NUTM1: variants seen among roughly 807,000 people sequenced by gnomAD.
The protein encoded by NUTM1 is NUT midline carcinoma family member 1.
Under a neutral mutation model 88.7 loss-of-function variants are expected in NUTM1, and 39 were observed. The observed-to-expected ratio is 0.44, with a 90% CI of 0.34 to 0.57. The LOEUF (loss-of-function observed/expected upper bound fraction) is 0.57. NUTM1 is among the 20% of genes least tolerant of loss of function. The pLI is 0.01. For synonymous variants in NUTM1, 494 were observed against 538.0 expected, an observed-to-expected ratio of 0.92 and a Z score of 1.13; for missense variants, 1,350 against 1,414.5, an observed-to-expected ratio of 0.95 and a Z score of 0.73.
rs751879837 is a variant in NUTM1, at chr15:34,353,799, G to T, written c.1002G>T (p.Gln334His). The change falls in exon 5 of 8, where the codon CAG (glutamine) becomes CAT (histidine). Residue 334 changes from glutamine (Q) to histidine (H), a missense_variant. This residue lies in a region of NUTM1 where 89 missense variants were observed against 76.0 expected (regional missense o/e 1.17). Transcript: ENST00000537011. The part of the protein sequence containing the change: ...IQNTQLMNGS[Q>H]GLSPATPLKL... ...ACACACAGCTGATGAATGGGTCTCA[G>T]GGCCTGTCTCCTGCAACCCCTTTGA... The T allele has an allele frequency of 6.2e-7, 1 of 1,614,146 alleles. No homozygotes were observed. Among genetic ancestry groups the T allele is most frequent in the East Asian group, 2.2e-5 (1 of 44,888 alleles).
At position 34,357,393 on chromosome 15, in the gene NUTM1, C is replaced by T; in HGVS notation, c.3385C>T (p.Pro1129Ser). 5 of 1,614,170 alleles carry T rather than the reference C, an allele frequency of 3.1e-6. No homozygotes were observed. The highest frequency in any genetic ancestry group is 4.2e-6 in the Non-Finnish European group (5 of 1,180,030). ...GAQLGVPREK[P>S]LALGVVRPSQ... ...TCAACTTGGGGTCCCCAGGGAGAAA[C>T]CCCTAGCTCTGGGAGTAGTTCGACC... The change falls in exon 8 of 8, where the codon CCC becomes TCC. Residue 1129 changes from proline to serine, a missense_variant. This residue lies in a region of NUTM1 where 730 missense variants were observed against 728.8 expected (regional missense o/e 1.00). Coordinates refer to ENST00000537011, the MANE Select transcript of NUTM1 (RefSeq NM_001284292.2).
At chr15:34,354,027 G>A (rs1890755278) in intron 5 of NUTM1, among the ~76,000 whole-genome samples, 155 bp downstream of exon 5, 1 of 152,186 alleles carries the variant, frequency 6.6e-6, no homozygotes, top group African/African-American at 2.4e-5. Flanking sequence ...CCCCATAGGA[G>A]GCTGGGTTCT....
At chr15:34,351,893 A>T (rs347795) in intron 4 of NUTM1, among the ~76,000 whole-genome samples, 1 of 149,528 alleles carries the variant, frequency 6.7e-6, no homozygotes, top group African/African-American at 2.5e-5. Flanking sequence ...AAAAAAGGCT[A>T]GGCGTGGTGG....
chr15:34,348,080 G>A lies in NUTM1; in HGVS notation c.212G>A (p.Arg71Lys). 1 of 1,614,030 alleles carries A rather than the reference G, an allele frequency of 6.2e-7. No individual in the cohort carries two copies. The highest frequency in any genetic ancestry group is 8.5e-7 in the Non-Finnish European group (1 of 1,179,994). The change falls in exon 3 of 8, where the codon AGG becomes AAG. Residue 71 changes from arginine (R) to lysine (K), a missense_variant. Coordinates refer to ENST00000537011, the MANE Select transcript of NUTM1 (RefSeq NM_001284292.2). ...PTSDPPDHPP[R>K]EPPPQPIMPS... The stretch of plus-strand genomic sequence containing the variant: ...TCTGACCCACCAGACCACCCACCCA[G>A]GGAGCCACCTCCACAGCCCATCATG...
chr15:34,348,329 T>C lies in NUTM1; in HGVS notation c.461T>C (p.Leu154Pro). 6.2e-7 allele frequency: 1 copy of C among 1,614,246 alleles called. No individual in the cohort carries two copies. The highest frequency in any genetic ancestry group is 8.5e-7 in the Non-Finnish European group (1 of 1,180,028). ...GCCCCGGGCACTCCCTGTGGAGGCC[T>C]TGAGGGTCCTGCACCTCCATTTGTG... ...STAPGTPCGG[L>P]EGPAPPFVTA... Residue 154 changes from leucine to proline, a missense_variant, in exon 3 of 8, where the codon CTT becomes CCT. Transcript: ENST00000537011.
Position 34,351,798 on chromosome 15 carries a change from C to A in NUTM1, c.938+966C>A, listed in dbSNP as rs1030378136. ...GGGAGGGGGCTGGTTCTGGAAGAGCCGGGGAAAGCCAGTGTCCTGGATGCC... is the reference window on the plus strand; with the variant it reads ...GGGAGGGGGCTGGTTCTGGAAGAGCAGGGGAAAGCCAGTGTCCTGGATGCC... On this transcript the variant is annotated intron_variant, in intron 4 of 7. Coordinates refer to ENST00000537011, the MANE Select transcript of NUTM1 (RefSeq NM_001284292.2). Among the ~76,000 whole-genome samples the A allele has an allele frequency of 2.0e-5, 3 of 151,054 alleles. No individual in the cohort carries two copies. In the East Asian group the frequency reaches 5.9e-4, roughly 29 times the overall value.
intron 5 of NUTM1, 131 bp downstream of exon 5, chr15:34,354,003 T>C: frequency 9.8e-7 from 1 of 1,024,330 alleles, no homozygotes; most frequent in Non-Finnish European, 1.4e-6. Flanking sequence ...GCATTTGATA[T>C]TCCAAACAGA....
At position 34,356,531 on chromosome 15, in the gene NUTM1, C is replaced by T; in HGVS notation, c.2523C>T (p.Ser841=). ...CSLPGPLRAN[S]PPLRSKENQE... The stretch of plus-strand genomic sequence containing the variant: ...TGCCAGGACCTTTGAGGGCCAACAG[C>T]CCACCCTTGAGGTCCAAAGAAAATC... The change falls in exon 8 of 8, where the codon AGC becomes AGT. Residue 841 remains serine (S), a synonymous_variant. Coordinates refer to ENST00000537011, the MANE Select transcript of NUTM1 (RefSeq NM_001284292.2). 1 of 1,613,938 alleles carries T rather than the reference C, an allele frequency of 6.2e-7. No homozygotes were observed. The highest frequency in any genetic ancestry group is 1.3e-5 in the African/African-American group (1 of 74,976).
chr15:34,345,659 T>C (rs1391241557), intron 1 of NUTM1, among the ~76,000 whole-genome samples: 1 of 152,182 alleles, frequency 6.6e-6, no homozygotes, highest in African/African-American at 2.4e-5. Context: ...CGAAGTGTAG[T>C]GAACCAAACG....
intron 4 of NUTM1, among the ~76,000 whole-genome samples, chr15:34,351,554 C>G (rs1021689548): frequency 2.0e-5 from 3 of 151,996 alleles, no homozygotes; most frequent in Non-Finnish European, 2.9e-5. Context: ...TGTATAGGAG[C>G]CTTGATATTG....
Position 34,348,065 on chromosome 15 carries a change from C to A in NUTM1, c.197C>A (p.Pro66Gln). 1 of 1,614,080 alleles carries A rather than the reference C, an allele frequency of 6.2e-7. No individual in the cohort carries two copies. Residue 66 changes from proline to glutamine, a missense_variant, in exon 3 of 8, where the codon CCA (proline) becomes CAA (glutamine). Transcript: ENST00000537011. Reference protein sequence around the residue: ...LPFLPPTSDPPDHPPREPPPQ... With the variant: ...LPFLPPTSDPQDHPPREPPPQ... ...TTTCTCCCACCAACTTCTGACCCAC[C>A]AGACCACCCACCCAGGGAGCCACCT...
chr15:34,355,580 T>C lies in NUTM1; in HGVS notation c.1572T>C (p.Ser524=). 6.2e-7 allele frequency: 1 copy of C among 1,614,208 alleles called. No individual in the cohort carries two copies. Among genetic ancestry groups the C allele is most frequent in the South Asian group, 1.1e-5 (1 of 91,080 alleles). Residue 524 remains serine (S), a synonymous_variant, in exon 8 of 8, where the codon TCT becomes TCC. Coordinates refer to ENST00000537011, the MANE Select transcript of NUTM1 (RefSeq NM_001284292.2). This position sits in a 1 kb window ranked among gnomAD's most constrained non-coding sequence, Gnocchi z 4.3. ...FSGAQLDSSP[S]GSVEDEDGDG... is the part of the protein sequence containing the mutation. ...GCGCTCAGTTGGACTCAAGTCCTTC[T>C]GGTTCTGTTGAGGATGAAGATGGGG... is the stretch of plus-strand genomic sequence containing the variant.
Position 34,356,708 on chromosome 15 carries a change from G to A in NUTM1, c.2700G>A (p.Glu900=). Residue 900 remains glutamate, a synonymous_variant, in exon 8 of 8, where the codon GAG becomes GAA. Transcript: ENST00000537011. ...GCAATCTCCTTATCATGGGGACTGA[G>A]GATGCCTCCTCCTTGCCTGAAGCCA... is the stretch of plus-strand genomic sequence containing the variant. ...CQGNLLIMGT[E]DASSLPEASQ... The A allele has an allele frequency of 6.2e-7, 1 of 1,613,694 alleles. No homozygotes were observed. The highest frequency in any genetic ancestry group is 1.1e-5 in the South Asian group (1 of 91,048).
At chr15:34,354,916 G>A (rs1032853764) in intron 6 of NUTM1, 105 bp from the exon 7 acceptor site, 1 of 1,025,746 alleles carries the variant, frequency 9.7e-7, no homozygotes, top group Non-Finnish European at 1.5e-6. Context: ...AATACCGGAG[G>A]GGTAAGAGGG....
At chr15:34,353,504 C>T (rs1249104190) in intron 4 of NUTM1, among the ~76,000 whole-genome samples, 1 of 152,132 alleles carries the variant, frequency 6.6e-6, no homozygotes, top group Non-Finnish European at 1.5e-5. Flanking sequence ...CATTCATTTT[C>T]TTAAGCTTCC....
chr15:34,351,030 C>A (rs1485847767), intron 4 of NUTM1, among the ~76,000 whole-genome samples, 198 bp downstream of exon 4: 1 of 151,322 alleles, frequency 6.6e-6, no homozygotes, highest in Non-Finnish European at 1.5e-5. Flanking sequence ...AACAGCCTGG[C>A]CAACATGGCG....
chr15:34,355,972 G>A lies in NUTM1; in HGVS notation c.1964G>A (p.Gly655Asp). ...SEALPLCWQG[G>D]FQPESTPSLD... ...GCTCTGCCCCTTTGTTGGCAGGGAGGCTTCCAGCCTGAGAGCACTCCCAGT... is the reference window on the plus strand; with the variant it reads ...GCTCTGCCCCTTTGTTGGCAGGGAGACTTCCAGCCTGAGAGCACTCCCAGT... Residue 655 changes from glycine (G) to aspartate (D), a missense_variant, in exon 8 of 8, where the codon GGC (glycine) becomes GAC (aspartate). Gly to Asp is a moderately conservative substitution (Grantham distance 94, BLOSUM62 -1). Around this residue, in one of 5 missense-constraint regions of NUTM1, gnomAD observed 730 missense variants for 728.8 expected, o/e 1.00. Transcript: ENST00000537011. This position sits in a 1 kb window ranked among gnomAD's most constrained non-coding sequence, Gnocchi z 4.3. The A allele has an allele frequency of 6.2e-7, 1 of 1,614,184 alleles. No homozygotes were observed. Among genetic ancestry groups the A allele is most frequent in the Non-Finnish European group, 8.5e-7 (1 of 1,180,028 alleles).
In NUTM1 at chr15:34,348,196, G is replaced by A. The variant is rs912221144; in HGVS notation, c.328G>A (p.Gly110Arg). 7 of 1,613,114 alleles carry A rather than the reference G, an allele frequency of 4.3e-6. No homozygotes were observed. The highest frequency in any genetic ancestry group is 5.9e-6 in the Non-Finnish European group (7 of 1,179,086). ...VTGDGGPCLSGAGAGKVIVKV... is the reference protein window; with the variant it reads ...VTGDGGPCLSRAGAGKVIVKV... ...AGGGGATGGGGGCCCTTGCCTCAGTGGGGCTGGGGCTGGCAAGGTCATTGT... is the reference window on the plus strand; with the variant it reads ...AGGGGATGGGGGCCCTTGCCTCAGTAGGGCTGGGGCTGGCAAGGTCATTGT... Residue 110 changes from glycine to arginine, a missense_variant, in exon 3 of 8, where the codon GGG (glycine) becomes AGG (arginine). Gly to Arg is a moderately radical substitution (Grantham distance 125, BLOSUM62 -2). Transcript: ENST00000537011.
rs1353743021 is a variant in NUTM1, at chr15:34,356,988, T to G, written c.2980T>G (p.Ser994Ala). Residue 994 changes from serine to alanine, a missense_variant, in exon 8 of 8, where the codon TCT (serine) becomes GCT (alanine). By Grantham distance (99) the Ser-to-Ala change is moderately conservative. Transcript: ENST00000537011. ...AACTGGGACTCCCAAAGCAACATCT[T>G]CTCACCAGGGCCTTGGAAGCACTTT... Reference protein sequence around the residue: ...YTTGTPKATSSHQGLGSTLPR... With the variant: ...YTTGTPKATSAHQGLGSTLPR... The G allele has an allele frequency of 2.5e-6, 4 of 1,613,852 alleles. No homozygotes were observed. Among genetic ancestry groups the G allele is most frequent in the Non-Finnish European group, 3.4e-6 (4 of 1,179,956 alleles).
Sources: allele counts gnomAD v4.1 joint callset (sites outside exome capture counted in the v4.1 genomes callset), GRCh38; gene constraint gnomAD v4.1.1; regional missense constraint gnomAD v4.1.1; non-coding constraint Gnocchi (gnomAD v3.1); transcripts MANE v1.5; gene names NCBI Gene and HGNC (gene_info 2026-07-23, HGNC 2026-07-21).